Variants in ULK2 observed in about 807,000 individuals in gnomAD.
The protein encoded by ULK2 is serine/threonine-protein kinase ULK2.
In ULK2, 76 loss-of-function variants were observed where a neutral mutation model predicts 127.5. The observed-to-expected ratio is 0.60, with a 90% CI of 0.50 to 0.72. The LOEUF is 0.72. Among genes scored for constraint, ULK2 ranks in the 30% least tolerant of loss-of-function variants. The probability of loss-of-function intolerance (pLI) is 0.00; values close to 1 mark genes in which losing one functional copy is unlikely to be tolerated. For synonymous variants in ULK2, 452 were observed against 461.9 expected (o/e 0.98, Z 0.28); for missense variants, 1,144 against 1,295.9 (o/e 0.88, Z 1.80).
chr17:19,846,252 C>T (rs1031588036), intron 6 of ULK2, among the ~76,000 whole-genome samples: 1 of 152,166 alleles, frequency 6.6e-6, no homozygotes, highest in Non-Finnish European at 1.5e-5. Flanking sequence ...GTCAGCACTG[C>T]CTGAGACTTG....
At chr17:19,857,435 TCTGAGA>T (rs2042157924) in intron 3 of ULK2, among the ~76,000 whole-genome samples, 1 of 152,210 alleles carries the variant, frequency 6.6e-6, no homozygotes, top group East Asian at 1.9e-4. Context: ...TAAATATTAT[TCTGAGA>T]CTGTTATTGT....
chr17:19,797,468 C>G lies in ULK2; in HGVS notation c.1737G>C (p.Leu579Phe), dbSNP rs1285347426. ...AGTCAGAACTCCGTGGAGAGGACCC[C>G]AAGTGCTTGGTGGGAGAAGTTCCAA... ...GSLGTSPTKHLGSSPRSSDWF... is the reference protein window; with the variant it reads ...GSLGTSPTKHFGSSPRSSDWF... The change falls in exon 18 of 27, where the codon TTG (leucine) becomes TTC (phenylalanine). Residue 579 changes from leucine to phenylalanine, a missense_variant. Leu to Phe is a conservative substitution (Grantham distance 22). Around this residue, in one of 2 missense-constraint regions of ULK2, gnomAD observed 913 missense variants for 970.5 expected, o/e 0.94. Transcript: ENST00000395544. 1 of 1,613,880 alleles carries G rather than the reference C, an allele frequency of 6.2e-7. No individual in the cohort carries two copies. The highest frequency in any genetic ancestry group is 1.7e-5 in the Admixed American group (1 of 59,996).
chr17:19,849,399 T>G lies in ULK2; in HGVS notation c.265A>C (p.Asn89His). Reference protein sequence around the residue: ...NSVFLVMEYCNGGDLADYLQA... With the variant: ...NSVFLVMEYCHGGDLADYLQA... Reference sequence around the variant, plus strand: ...AAATAATCTGCGAGGTCTCCACCATTGCAATACTGACATAGAAAAGAGAAA... The same window carrying G: ...AAATAATCTGCGAGGTCTCCACCATGGCAATACTGACATAGAAAAGAGAAA... Residue 89 changes from asparagine to histidine, a missense_variant, in exon 5 of 27, where the codon AAT (asparagine) becomes CAT (histidine). Physicochemically the swap from Asn to His is moderately conservative, Grantham distance 68. This residue lies in a region of ULK2 where 231 missense variants were observed against 325.4 expected (regional missense o/e 0.71). Coordinates refer to ENST00000395544, the MANE Select transcript of ULK2 (RefSeq NM_014683.4). 1.9e-6 allele frequency: 3 copies of G among 1,607,476 alleles called. No homozygotes were observed. The highest frequency in any genetic ancestry group is 1.7e-6 in the Non-Finnish European group (2 of 1,176,038).
chr17:19,835,595 T>TA (rs1307576519), intron 10 of ULK2, among the ~76,000 whole-genome samples: 1 of 150,622 alleles, frequency 6.6e-6, no homozygotes, highest in Non-Finnish European at 1.5e-5. Flanking sequence ...CAGGCACCTG[T>TA]AGCCCCAGCT....
rs139715842 is a variant in ULK2, at chr17:19,789,087, G to A, written c.2102-3001C>T. ...TGATTGTAAGTCCTGGGGCTTGAGCGAACATAGGTAGTAGCCAAGCAATGA... is the reference window on the plus strand; with the variant it reads ...TGATTGTAAGTCCTGGGGCTTGAGCAAACATAGGTAGTAGCCAAGCAATGA... On this transcript the variant is annotated intron_variant, in intron 20 of 26. Transcript: ENST00000395544. 2.0e-4 allele frequency among the ~76,000 whole-genome samples: 31 copies of A among 152,258 alleles called. No homozygotes were observed. The East Asian group carries it at 5.6e-3, about 28-fold the overall frequency.
chr17:19,816,994 A>T, intron 12 of ULK2, 74 bp from the exon 13 acceptor site: 2 of 1,223,606 alleles, frequency 1.6e-6, no homozygotes, highest in Non-Finnish European at 1.1e-6. Context: ...AGACTAAGGA[A>T]TTTTTTTTTT....
chr17:19,862,159 C>T (rs1225108935), intron 3 of ULK2, among the ~76,000 whole-genome samples: 17 of 151,606 alleles, frequency 1.1e-4, no homozygotes, highest in Admixed American at 5.9e-4. Flanking sequence ...TGCAGTGGCA[C>T]GATCTCAGCT....
intron 12 of ULK2, among the ~76,000 whole-genome samples, chr17:19,817,562 T>C (rs1052723894): frequency 1.3e-5 from 2 of 152,192 alleles, no homozygotes; most frequent in African/African-American, 4.8e-5. Flanking sequence ...AAGAAAAGCA[T>C]GTAAATATAT....
intron 14 of ULK2, among the ~76,000 whole-genome samples, chr17:19,808,493 C>A (rs1177649360): frequency 6.6e-6 from 1 of 151,966 alleles, no homozygotes; most frequent in African/African-American, 2.4e-5. Flanking sequence ...AAAAGACAAC[C>A]AAGAGAATGG....
chr17:19,832,363 G>T (rs2041478199), intron 10 of ULK2, among the ~76,000 whole-genome samples: 1 of 151,722 alleles, frequency 6.6e-6, no homozygotes, highest in Non-Finnish European at 1.5e-5. Context: ...GACCTCCAGG[G>T]CTCAAGCAAT....
intron 3 of ULK2, among the ~76,000 whole-genome samples, chr17:19,850,256 T>C (rs1410225864): frequency 6.6e-6 from 1 of 152,200 alleles, no homozygotes; most frequent in African/African-American, 2.4e-5. Flanking sequence ...TTTGTTTTTC[T>C]GTTTTTTATG....
intron 10 of ULK2, among the ~76,000 whole-genome samples, chr17:19,830,784 T>C (rs1277837115): frequency 1.3e-5 from 2 of 152,142 alleles, no homozygotes; most frequent in African/African-American, 4.8e-5. Context: ...TCCCAGCACT[T>C]TGGGAGCCCC....
At chr17:19,809,719 C>T (rs1041869199) in intron 14 of ULK2, among the ~76,000 whole-genome samples, 52 of 101,462 alleles carry the variant, frequency 5.1e-4, no homozygotes, top group African/African-American at 1.9e-3. Context: ...GGTGACAGGA[C>T]GAGACTCCGT....
At chr17:19,793,082 G>A (rs2087191178) in intron 20 of ULK2, among the ~76,000 whole-genome samples, 1 of 152,170 alleles carries the variant, frequency 6.6e-6, no homozygotes, top group African/African-American at 2.4e-5. Flanking sequence ...AAGAATGGCT[G>A]GGAAGGCCTC....
chr17:19,830,632 A>C lies in ULK2; in HGVS notation c.788-4446T>G, dbSNP rs573001064. 3.8e-3 allele frequency among the ~76,000 whole-genome samples: 576 copies of C among 152,070 alleles called. 2 individuals are homozygous for C. The highest frequency in any genetic ancestry group is 0.013 in the African/African-American group (552 of 41,492). ...TTGAGATTGTTTAAAAAAAAAAAAA[A>C]AAAAAACTAGAAATCAGTAACAGAG... On this transcript the variant is annotated intron_variant, in intron 10 of 26. Transcript: ENST00000395544.
intron 22 of ULK2, among the ~76,000 whole-genome samples, chr17:19,783,442 ACT>A (rs1234223722): frequency 2.0e-5 from 3 of 151,836 alleles, no homozygotes; most frequent in Non-Finnish European, 4.4e-5. Flanking sequence ...ACAGAGCAAG[ACT>A]CTGTCTCAAA....
At chr17:19,851,591 G>C (rs918410923) in intron 3 of ULK2, among the ~76,000 whole-genome samples, 1 of 151,862 alleles carries the variant, frequency 6.6e-6, no homozygotes, top group Non-Finnish European at 1.5e-5. Context: ...AGTGAGCTGA[G>C]ACCGCGCCAC....
chr17:19,843,109 AAGTC>A lies in ULK2; in HGVS notation c.645+8_645+11del, dbSNP rs2041804226. ...TCCCAAAACTGAGGACATAAGAAAAAAGTCAGCCTACCTGAAAAGGTGGTTTTCC... is the reference window on the plus strand; with the variant it reads ...TCCCAAAACTGAGGACATAAGAAAAAAGCCTACCTGAAAAGGTGGTTTTCC... On this transcript the variant is annotated splice_region_variant and intron_variant, in intron 8 of 26. Coordinates refer to ENST00000395544, the MANE Select transcript of ULK2 (RefSeq NM_014683.4). 5 of 1,604,732 alleles carry A rather than the reference AAGTC, an allele frequency of 3.1e-6. No homozygotes were observed. The highest frequency in any genetic ancestry group is 2.2e-5 in the South Asian group (2 of 90,866).
chr17:19,803,034 T>C (rs1169931567), intron 15 of ULK2, among the ~76,000 whole-genome samples: 2 of 152,356 alleles, frequency 1.3e-5, no homozygotes, highest in African/African-American at 2.4e-5. Context: ...ACTGAATTTT[T>C]CCAACATTCC....
Sources: gnomAD v4.1 joint callset for allele counts (sites outside exome capture counted in the v4.1 genomes callset) on GRCh38, gnomAD v4.1.1 for gene constraint, gnomAD v4.1.1 regional missense constraint, MANE v1.5 for transcripts, NCBI Gene and HGNC (gene_info 2026-07-23, HGNC 2026-07-21) for gene names.